The following ANKRD46 variants were observed in gnomAD, a reference collection of about 807,000 sequenced individuals.
ANKRD46 encodes the protein ankyrin repeat domain 46.
In ANKRD46, 13 loss-of-function variants were observed where a neutral mutation model predicts 19.8. The observed-to-expected ratio is 0.66, with a 90% CI of 0.43 to 1.04. The LOEUF (loss-of-function observed/expected upper bound fraction) is 1.04. Among genes scored for constraint, ANKRD46 ranks in the 50% least tolerant of loss-of-function variants. The pLI, the probability that ANKRD46 is intolerant of heterozygous loss-of-function variation, is 0.00. For missense variants in ANKRD46, 185 were observed against 274.8 expected, an observed-to-expected ratio of 0.67 and a Z score of 2.31; for synonymous variants, 91 against 106.9, an observed-to-expected ratio of 0.85 and a Z score of 0.92.
rs1016682947 is a variant in ANKRD46, at chr8:100,545,207, C to A, written c.-130-11896G>T. Among the ~76,000 whole-genome samples the A allele has an allele frequency of 6.6e-6, 1 of 152,066 alleles. No individual in the cohort carries two copies. The highest frequency in any genetic ancestry group is 1.5e-5 in the Non-Finnish European group (1 of 68,016). ...AGGTGTGGTGACGTGCACCTGTAGT[C>A]CCAGCTACTCGGGAGGCTGAGGTGG... On this transcript the variant is annotated intron_variant, in intron 1 of 4. Transcript: ENST00000335659. The surrounding 1 kb of genome is among the most constrained non-coding windows in gnomAD (Gnocchi z 4.7).
Position 100,534,553 on chromosome 8 carries a change from C to T in ANKRD46, c.-130-1242G>A, listed in dbSNP as rs956262550. ...CTGACCTCTAGAGCTGAGTCTTTAA[C>T]GACTAGAGCCTGTCTCTAATGTATG... On this transcript the variant is annotated intron_variant, in intron 1 of 4. Transcript: ENST00000335659. The surrounding 1 kb of genome is among the most constrained non-coding windows in gnomAD (Gnocchi z 4.2). Among the ~76,000 whole-genome samples the T allele has an allele frequency of 4.6e-5, 7 of 152,150 alleles. No homozygotes were observed. The highest frequency in any genetic ancestry group is 1.9e-4 in the East Asian group (1 of 5,190).
intron 1 of ANKRD46, among the ~76,000 whole-genome samples, chr8:100,540,222 T>C (rs1812149842): frequency 6.6e-6 from 1 of 152,166 alleles, no homozygotes; most frequent in Non-Finnish European, 1.5e-5. Context: ...CTAAGTTTGT[T>C]TCATAAGATT....
chr8:100,522,713 A>T lies in ANKRD46; in HGVS notation c.529T>A (p.Ser177Thr). ...TCCTGCCACGTGGTTCGGAAGCTGG[A>T]GAGGACTCCTTCACCTTGCTGCAGG... Reference protein sequence around the residue: ...PNLQQGEGVLSSFRTTWQEFV... With the variant: ...PNLQQGEGVLTSFRTTWQEFV... The change falls in exon 5 of 5, where the codon TCC becomes ACC. Residue 177 changes from serine (S) to threonine (T), a missense_variant. By Grantham distance (58) the Ser-to-Thr change is moderately conservative. Transcript: ENST00000335659. The T allele has an allele frequency of 6.2e-7, 1 of 1,614,140 alleles. No individual in the cohort carries two copies. The highest frequency in any genetic ancestry group is 1.1e-5 in the South Asian group (1 of 91,070).
intron 1 of ANKRD46, chr8:100,551,846 T>C: frequency 2.9e-6 from 1 of 343,802 alleles, no homozygotes; most frequent in Non-Finnish European, 5.5e-6. Flanking sequence ...CTTCATCATA[T>C]ATGTCTTTTG....
At chr8:100,548,304 G>C (rs1395929580) in intron 1 of ANKRD46, among the ~76,000 whole-genome samples, 1 of 151,936 alleles carries the variant, frequency 6.6e-6, no homozygotes, top group Non-Finnish European at 1.5e-5. Context: ...CCCCCTTCTT[G>C]TTCTCTATAC....
At chr8:100,539,900 G>A (rs760811946) in intron 1 of ANKRD46, among the ~76,000 whole-genome samples, 1 of 152,112 alleles carries the variant, frequency 6.6e-6, no homozygotes, top group African/African-American at 2.4e-5. Flanking sequence ...AACAAAAAAG[G>A]CCAGTTCACT....
At chr8:100,553,240 T>C (rs1259796147) in intron 1 of ANKRD46, among the ~76,000 whole-genome samples, 1 of 152,228 alleles carries the variant, frequency 6.6e-6, no homozygotes, top group Non-Finnish European at 1.5e-5. Context: ...CCACAGTTTT[T>C]GTTGTGTTTA....
intron 1 of ANKRD46, among the ~76,000 whole-genome samples, chr8:100,554,411 A>G (rs150044334): frequency 1.3e-5 from 2 of 152,290 alleles, no homozygotes; most frequent in East Asian, 1.9e-4. Flanking sequence ...ATGTCTGTTT[A>G]CCAGTTTAAT....
intron 1 of ANKRD46, among the ~76,000 whole-genome samples, chr8:100,555,630 T>C (rs1315662990): frequency 7.0e-6 from 1 of 143,192 alleles, no homozygotes; most frequent in Non-Finnish European, 1.5e-5. Context: ...ATGACAGCAA[T>C]GAGAACAAGA....
In ANKRD46 at chr8:100,557,051, T is replaced by C. The variant is rs1812514994; in HGVS notation, c.-131+2660A>G. 8.1e-6 allele frequency among the ~76,000 whole-genome samples: 1 copy of C among 124,140 alleles called. No individual in the cohort carries two copies. Among genetic ancestry groups the C allele is most frequent in the Non-Finnish European group, 1.8e-5 (1 of 55,432 alleles). 81.4% of individuals were successfully genotyped at this position (124,140 alleles called of 152,430 possible). ...GGGGCACACATATAACGATAGCTGATGAGCTTAAAAAAAAATACAATCAAT... is the reference window on the plus strand; with the variant it reads ...GGGGCACACATATAACGATAGCTGACGAGCTTAAAAAAAAATACAATCAAT... On this transcript the variant is annotated intron_variant, in intron 1 of 4. Transcript: ENST00000335659. This position sits in a 1 kb window ranked among gnomAD's most constrained non-coding sequence, Gnocchi z 5.9.
intron 1 of ANKRD46, among the ~76,000 whole-genome samples, chr8:100,552,600 C>A (rs1322744102): frequency 6.6e-6 from 1 of 152,216 alleles, no homozygotes; most frequent in Non-Finnish European, 1.5e-5. Context: ...TGTAACATAT[C>A]ACATTCCCTA....
rs562548745 is a variant in ANKRD46 at position 100,547,629 on chromosome 8, T to A, written c.-131+12082A>T. ...AGAGTAAGACCTTGTCTCAAAAAAATAGAATAAAATAAAACAAAACCAGCA... is the reference window on the plus strand; with the variant it reads ...AGAGTAAGACCTTGTCTCAAAAAAAAAGAATAAAATAAAACAAAACCAGCA... On this transcript the variant is annotated intron_variant, in intron 1 of 4. Transcript: ENST00000335659. 1.1e-4 allele frequency among the ~76,000 whole-genome samples: 16 copies of A among 152,132 alleles called. No homozygotes were observed. The South Asian group carries it at 3.1e-3, about 30-fold the overall frequency.
Position 100,524,996 on chromosome 8 carries a change from C to T in ANKRD46, c.471-2225G>A, listed in dbSNP as rs75161446. On this transcript the variant is annotated intron_variant, in intron 4 of 4. Transcript: ENST00000335659. This position sits in a 1 kb window ranked among gnomAD's most constrained non-coding sequence, Gnocchi z 4.3. ...GCTATACTGTTTTTGTTATCCCATA[C>T]CTACAAAGTAAAAAGGAATTAAACT... is the stretch of plus-strand genomic sequence containing the variant. Among the ~76,000 whole-genome samples the T allele has an allele frequency of 0.053, 7,635 of 142,842 alleles. 295 individuals are homozygous for T. Among genetic ancestry groups the T allele is most frequent in the Non-Finnish European group, 0.078 (5,042 of 64,416 alleles). 93.7% of individuals were successfully genotyped at this position (142,842 alleles called of 152,430 possible). A position where few individuals can be genotyped will look rare whatever the true frequency, so the allele number is the denominator to read the frequency against.
chr8:100,530,787 T>C (rs1811945364), intron 2 of ANKRD46, among the ~76,000 whole-genome samples: 1 of 152,208 alleles, frequency 6.6e-6, no homozygotes, highest in Admixed American at 6.5e-5. Flanking sequence ...CTATTGATCT[T>C]ATTCTGCTGT....
Position 100,535,327 on chromosome 8 carries a change from A to T in ANKRD46, c.-130-2016T>A, listed in dbSNP as rs1456699619. On this transcript the variant is annotated intron_variant, in intron 1 of 4. Transcript: ENST00000335659. ...GGTGAAGAGGACTAAAGACTTTTTT[A>T]AATTAAACTTTTTGAGATAATTATA... Among the ~76,000 whole-genome samples the T allele has an allele frequency of 3.9e-5, 6 of 152,202 alleles. No individual in the cohort carries two copies. In the South Asian group the frequency reaches 8.3e-4, roughly 21 times the overall value.
chr8:100,519,002 T>C (rs1811679986), downstream of ANKRD46, among the ~76,000 whole-genome samples: 1 of 152,250 alleles, frequency 6.6e-6, no homozygotes, highest in Non-Finnish European at 1.5e-5. Flanking sequence ...AAGAATCATG[T>C]GGGATTTAGA....
At position 100,544,737 on chromosome 8, in the gene ANKRD46, T is replaced by A. The variant is rs575547756; in HGVS notation, c.-130-11426A>T. Among the ~76,000 whole-genome samples, 9 of 152,312 alleles carry A rather than the reference T, an allele frequency of 5.9e-5. No individual in the cohort carries two copies. The South Asian group carries it at 1.9e-3, about 32-fold the overall frequency. On this transcript the variant is annotated intron_variant, in intron 1 of 4. Coordinates refer to ENST00000335659, the MANE Select transcript of ANKRD46 (RefSeq NM_001270377.2). This position sits in a 1 kb window ranked among gnomAD's most constrained non-coding sequence, Gnocchi z 4.4. ...TCTGTCTTACCTACTTCACAATATT[T>A]TTGTACAGAACTTTGAAAACTATAA...
chr8:100,538,258 G>A (rs1251626222), intron 1 of ANKRD46, among the ~76,000 whole-genome samples: 1 of 151,324 alleles, frequency 6.6e-6, no homozygotes, highest in Non-Finnish European at 1.5e-5. Context: ...GAAACTAAAA[G>A]CTGCACACAA....
At chr8:100,552,524 AC>A (rs1812414905) in intron 1 of ANKRD46, among the ~76,000 whole-genome samples, 1 of 152,136 alleles carries the variant, frequency 6.6e-6, no homozygotes, top group African/African-American at 2.4e-5. Context: ...TTCCACTGGT[AC>A]CCAACTCCAC....
Sources: gnomAD v4.1 joint callset for allele counts (sites outside exome capture counted in the v4.1 genomes callset) on GRCh38, gnomAD v4.1.1 for gene constraint, Gnocchi (gnomAD v3.1) non-coding constraint, MANE v1.5 for transcripts, NCBI Gene and HGNC (gene_info 2026-07-23, HGNC 2026-07-21) for gene names.